SHANK2: variants seen among roughly 807,000 people sequenced by gnomAD.
The protein encoded by SHANK2 is SH3 and multiple ankyrin repeat domains 2.
Under a neutral mutation model 133.7 loss-of-function variants are expected in SHANK2, and 43 were observed. The ratio of observed to expected loss-of-function variants is 0.32; its 90% CI spans 0.25 to 0.41. The LOEUF is 0.41. Ranked by LOEUF, SHANK2 falls within the 10% of genes least tolerant of loss-of-function variation. The pLI, the probability that SHANK2 is intolerant of heterozygous loss-of-function variation, is 1.00. For missense variants in SHANK2, 1,994 were observed against 2,235.8 expected, an observed-to-expected ratio of 0.89 and a Z score of 2.18; for synonymous variants, 1,017 against 952.8, an observed-to-expected ratio of 1.07 and a Z score of -1.24.
Position 70,582,297 on chromosome 11 carries a change from C to T in SHANK2, c.2061+77531G>A, listed in dbSNP as rs782180252. ...CCCCACACATCCGGGGCCTCCAAGC[C>T]GCTAACTCTACTACTGCTGACTGAA... On this transcript the variant is annotated intron_variant, in intron 17 of 25. Transcript: ENST00000601538. Among the ~76,000 whole-genome samples the T allele has an allele frequency of 1.1e-4, 16 of 152,248 alleles. No homozygotes were observed. In the East Asian group the frequency reaches 1.3e-3, roughly 13 times the overall value.
intron 2 of SHANK2, among the ~76,000 whole-genome samples, chr11:71,172,897 C>A (rs543798831): frequency 2.6e-5 from 4 of 152,300 alleles, no homozygotes; most frequent in East Asian, 3.9e-4. Flanking sequence ...AGAACGTGAT[C>A]AAAAATGCAC....
Position 70,770,915 on chromosome 11 carries a change from C to CTTTTTTTTT in SHANK2, c.1777+27519_1777+27527dup, listed in dbSNP as rs71467419. 2.3e-4 allele frequency among the ~76,000 whole-genome samples: 21 copies of CTTTTTTTTT among 92,854 alleles called. 1 individual carries two copies. Among genetic ancestry groups the CTTTTTTTTT allele is most frequent in the Middle Eastern group, 8.8e-3 (1 of 114 alleles). 60.9% of individuals were successfully genotyped at this position (92,854 alleles called of 152,430 possible). ...TCTCTCCTTCCCTCCCTCTTACTTC[C>CTTTTTTTTT]TTTTTTTTTTTTTTTTTTTTTTTTT... On this transcript the variant is annotated intron_variant, in intron 14 of 25. Coordinates refer to ENST00000601538, the MANE Select transcript of SHANK2 (RefSeq NM_012309.5).
chr11:70,774,241 T>C (rs569738410), intron 14 of SHANK2, among the ~76,000 whole-genome samples: 62 of 152,054 alleles, frequency 4.1e-4, no homozygotes, highest in Middle Eastern at 3.4e-3. Context: ...TTACATGAAA[T>C]GGACAGAACA....
intron 14 of SHANK2, among the ~76,000 whole-genome samples, chr11:70,722,293 G>A (rs1946089055): frequency 6.6e-6 from 1 of 152,236 alleles, no homozygotes; most frequent in Admixed American, 6.5e-5. Flanking sequence ...GGCACAGGTG[G>A]CCACTGAGGA....
rs560741237 is a variant in SHANK2, at chr11:70,799,180, C to G, written c.1664-624G>C. ...TGGGGGGCCGAGGGGAGTGGACCCT[C>G]TGAGGTCAGGAGTTCAAGACCAGCC... On this transcript the variant is annotated intron_variant, in intron 13 of 25. Coordinates refer to ENST00000601538, the MANE Select transcript of SHANK2 (RefSeq NM_012309.5). Among the ~76,000 whole-genome samples, 6 of 152,098 alleles carry G rather than the reference C, an allele frequency of 3.9e-5. No individual in the cohort carries two copies. The East Asian group carries it at 1.2e-3, about 30-fold the overall frequency.
intron 14 of SHANK2, among the ~76,000 whole-genome samples, chr11:70,779,886 C>A (rs1328048527): frequency 6.6e-6 from 1 of 152,200 alleles, no homozygotes; most frequent in African/African-American, 2.4e-5. Flanking sequence ...CTTGCTGGTG[C>A]CCCCACCCCC....
At chr11:70,839,332 A>C (rs1555060933) in intron 11 of SHANK2, among the ~76,000 whole-genome samples, 1 of 152,224 alleles carries the variant, frequency 6.6e-6, no homozygotes, top group African/African-American at 2.4e-5. Flanking sequence ...CCTCAGGGAA[A>C]GGGCGGGTCT....
At chr11:70,924,815 A>G (rs1436868461) in intron 10 of SHANK2, among the ~76,000 whole-genome samples, 1 of 152,084 alleles carries the variant, frequency 6.6e-6, no homozygotes, top group Non-Finnish European at 1.5e-5. Flanking sequence ...GCACCACAAA[A>G]CCTTATAAGA....
chr11:71,166,307 G>A (rs1953147095), intron 2 of SHANK2, among the ~76,000 whole-genome samples: 1 of 152,182 alleles, frequency 6.6e-6, no homozygotes. Context: ...TGAGTGGGAA[G>A]AGAATTTGAG....
intron 17 of SHANK2, among the ~76,000 whole-genome samples, chr11:70,624,528 T>G (rs4980629): frequency 0.46 from 68,681 of 148,980 alleles, 16,222 homozygotes; most frequent in Middle Eastern, 0.55. Context: ...GCCACAACCT[T>G]CTTCAAAAAA....
At chr11:70,585,083 C>T (rs576544068) in intron 17 of SHANK2, among the ~76,000 whole-genome samples, 2 of 152,330 alleles carry the variant, frequency 1.3e-5, no homozygotes, top group Admixed American at 1.3e-4. Context: ...GTGAATACCG[C>T]CTCGCAGCCC....
At chr11:70,642,601 C>T (rs568532912) in intron 17 of SHANK2, among the ~76,000 whole-genome samples, 23 of 152,320 alleles carry the variant, frequency 1.5e-4, no homozygotes, top group African/African-American at 2.4e-4. Context: ...TTCCCTCCCA[C>T]GGACACAGAG....
chr11:70,599,496 AC>A (rs1209092116), intron 17 of SHANK2, among the ~76,000 whole-genome samples: 1 of 132,310 alleles, frequency 7.6e-6, no homozygotes, highest in Non-Finnish European at 1.6e-5. Flanking sequence ...AGTCCCAGCT[AC>A]TCGGGAGGCT....
chr11:70,501,586 G>A (rs987724708), intron 20 of SHANK2, among the ~76,000 whole-genome samples: 8 of 152,198 alleles, frequency 5.3e-5, no homozygotes, highest in Admixed American at 6.5e-5. Flanking sequence ...GTGACTCCCC[G>A]GAACAAACAG....
intron 14 of SHANK2, among the ~76,000 whole-genome samples, chr11:70,701,389 T>C (rs145674718): frequency 2.0e-5 from 3 of 152,216 alleles, no homozygotes; most frequent in African/African-American, 7.2e-5. Flanking sequence ...ATATCAAAAT[T>C]GTAAGAAAAA....
At chr11:70,628,522 T>TTA (rs2060935422) in intron 17 of SHANK2, among the ~76,000 whole-genome samples, 1 of 152,218 alleles carries the variant, frequency 6.6e-6, no homozygotes, top group Non-Finnish European at 1.5e-5. Flanking sequence ...CCTTCAGTCC[T>TTA]TATAGTAGCT....
chr11:70,890,570 C>G (rs140256155), intron 11 of SHANK2, among the ~76,000 whole-genome samples: 4 of 151,658 alleles, frequency 2.6e-5, no homozygotes, highest in Non-Finnish European at 5.9e-5. Flanking sequence ...GAGGCTGAGG[C>G]GGGCGGATCA....
chr11:70,722,016 G>T (rs546434701), intron 14 of SHANK2, among the ~76,000 whole-genome samples: 21 of 152,344 alleles, frequency 1.4e-4, no homozygotes, highest in African/African-American at 5.1e-4. Context: ...GTGACTGCAG[G>T]ATCATCCATC....
intron 25 of SHANK2, chr11:70,474,729 C>T (rs77252606): frequency 0.013 from 1,966 of 152,272 alleles, 19 homozygotes; most frequent in South Asian, 0.066. Flanking sequence ...TGGATATGAA[C>T]GGCCCACCCA....
Sources: gnomAD v4.1 joint callset for allele counts (sites outside exome capture counted in the v4.1 genomes callset) on GRCh38, gnomAD v4.1.1 for gene constraint, MANE v1.5 for transcripts, NCBI Gene and HGNC (gene_info 2026-07-23, HGNC 2026-07-21) for gene names.